The following NIPSNAP3A variants were observed in gnomAD, a reference collection of about 807,000 sequenced individuals.
NIPSNAP3A encodes the protein protein NipSnap homolog 3A.
A neutral mutation model predicts 32.3 loss-of-function variants in NIPSNAP3A; 27 were observed. That is an observed-to-expected ratio of 0.84 (90% CI 0.62 to 1.15). The LOEUF is 1.15. NIPSNAP3A is among the 50% of genes most tolerant of loss of function. The pLI is 0.00. For missense variants in NIPSNAP3A, 278 were observed against 297.2 expected (o/e 0.94, Z 0.48); for synonymous variants, 108 against 107.3 (o/e 1.01, Z -0.04).
In NIPSNAP3A at chr9:104,759,660, T is replaced by C; in HGVS notation, c.*322T>C. 4.1e-6 allele frequency: 1 copy of C among 241,386 alleles called. No homozygotes were observed. Among genetic ancestry groups the C allele is most frequent in the Non-Finnish European group, 8.1e-6 (1 of 123,660 alleles). 15.0% of individuals were successfully genotyped at this position (241,386 alleles called of 1,614,324 possible). On this transcript the variant is annotated 3_prime_UTR_variant, in exon 6 of 6. Transcript: ENST00000374767. ...CTCTTTGCTTTATAGCATTTTGTTG[T>C]ATTCAAATGATAATGGTAGCATTTC...
In NIPSNAP3A at chr9:104,759,557, A is replaced by G; in HGVS notation, c.*219A>G. ...CATGGTATTTCAGTGTCTGTCATAC[A>G]TTAAAAATACTTGTCACTGTTTTAA... On this transcript the variant is annotated 3_prime_UTR_variant, in exon 6 of 6. Coordinates refer to ENST00000374767, the MANE Select transcript of NIPSNAP3A (RefSeq NM_015469.3). The G allele has an allele frequency of 1.9e-6, 1 of 538,996 alleles. No individual in the cohort carries two copies. Among genetic ancestry groups the G allele is most frequent in the Middle Eastern group, 5.1e-4 (1 of 1,960 alleles). The allele number at this position is 538,996 out of a possible 1,614,324, so 33.4% of individuals were successfully genotyped here.
At position 104,754,626 on chromosome 9, in the gene NIPSNAP3A, T is replaced by G. The variant is rs1196009945; in HGVS notation, c.506T>G (p.Val169Gly). The change falls in exon 4 of 6, where the codon GTT (valine) becomes GGT (glycine). Residue 169 changes from valine to glycine, a missense_variant. Transcript: ENST00000374767. ...TGGGGTGATGCATTTAAAAGGGCAG[T>G]TCATGCTCATGTCAATCTAGGCTAC... ...ALWGDAFKRAVHAHVNLGYTK... is the reference protein window; with the variant it reads ...ALWGDAFKRAGHAHVNLGYTK... The G allele has an allele frequency of 1.2e-6, 2 of 1,613,966 alleles. No homozygotes were observed. Among genetic ancestry groups the G allele is most frequent in the African/African-American group, 2.7e-5 (2 of 74,940 alleles).
At chr9:104,754,131 GA>G (rs1200677542) in intron 3 of NIPSNAP3A, 2 of 155,994 alleles carry the variant, frequency 1.3e-5, no homozygotes, top group Non-Finnish European at 2.8e-5. Context: ...ATTATATGAA[GA>G]AAAACATAGT....
At chr9:104,750,307 G>A (rs1166883857) in intron 1 of NIPSNAP3A, among the ~76,000 whole-genome samples, 3 of 152,152 alleles carry the variant, frequency 2.0e-5, no homozygotes, top group African/African-American at 4.8e-5. Context: ...GCCTTCTTAT[G>A]AGCAATTTCT....
chr9:104,747,998 C>CCCCGGGACCCCAAGACAGGGGTA, intron 1 of NIPSNAP3A, 146 bp downstream of exon 1: 1 of 684,356 alleles, frequency 1.5e-6, no homozygotes, highest in Non-Finnish European at 2.4e-6. Context: ...CTAGCGTGAG[C>CCCCGGGACCCCAAGACAGGGGTA]CCCGGAACCC....
chr9:104,759,082 CA>C lies in NIPSNAP3A; in HGVS notation c.581-2del. The C allele has an allele frequency of 1.2e-6, 2 of 1,607,996 alleles. No individual in the cohort carries two copies. The highest frequency in any genetic ancestry group is 2.2e-5 in the South Asian group (2 of 90,374). Reference sequence around the variant, plus strand: ...AGAAGCTACTTGTGGTTTATTTCTGCAGTTCATGTTCTTTGGTGGAATGAGA... The same window carrying C: ...AGAAGCTACTTGTGGTTTATTTCTGCGTTCATGTTCTTTGGTGGAATGAGA... On this transcript the variant is annotated splice_acceptor_variant, in intron 4 of 5. Transcript: ENST00000374767. LOFTEE classifies it high-confidence loss of function.
At chr9:104,758,674 T>C (rs1267308095) in intron 4 of NIPSNAP3A, among the ~76,000 whole-genome samples, 1 of 151,828 alleles carries the variant, frequency 6.6e-6, no homozygotes, top group Non-Finnish European at 1.5e-5. Flanking sequence ...AATAGGATGG[T>C]TTTGGCCAAG....
intron 4 of NIPSNAP3A, 114 bp from the exon 5 acceptor site, chr9:104,758,971 C>CAAAA (rs34457398): frequency 7.6e-4 from 305 of 402,120 alleles, no homozygotes; most frequent in South Asian, 1.3e-3. Context: ...ACTCTTGTTT[C>CAAAA]AAAAAAAAAA....
intron 4 of NIPSNAP3A, among the ~76,000 whole-genome samples, chr9:104,755,720 A>G (rs1241527144): frequency 6.6e-6 from 1 of 152,092 alleles, no homozygotes; most frequent in Admixed American, 6.6e-5. Context: ...CCAGGAGTTC[A>G]CGACTAGCCT....
chr9:104,754,452 C>A, intron 3 of NIPSNAP3A, 99 bp from the exon 4 acceptor site: 1 of 999,510 alleles, frequency 1.0e-6, no homozygotes, highest in Non-Finnish European at 1.5e-6. Context: ...TCTGATCCTC[C>A]AAATCTGTGT....
intron 4 of NIPSNAP3A, among the ~76,000 whole-genome samples, chr9:104,755,255 T>A (rs1363898383): frequency 2.0e-5 from 3 of 149,880 alleles, no homozygotes; most frequent in Admixed American, 6.6e-5. Context: ...AAAAAAAAAA[T>A]GAAGGAACCT....
At chr9:104,752,821 C>A in intron 2 of NIPSNAP3A, 85 bp from the exon 3 acceptor site, 3 of 1,114,922 alleles carry the variant, frequency 2.7e-6, no homozygotes, top group Admixed American at 1.8e-5. Context: ...CATCAATGAC[C>A]ATTGCTGATG....
intron 2 of NIPSNAP3A, 58 bp downstream of exon 2, chr9:104,751,224 T>G (rs1827845452): frequency 7.2e-7 from 1 of 1,386,794 alleles, no homozygotes; most frequent in African/African-American, 1.4e-5. Context: ...AGTATAGATT[T>G]TCATTCTGTT....
intron 3 of NIPSNAP3A, 74 bp from the exon 4 acceptor site, chr9:104,754,477 A>G: frequency 8.0e-7 from 1 of 1,251,374 alleles, no homozygotes. Context: ...AGATAGTGAA[A>G]GACTATTCAC....
intron 4 of NIPSNAP3A, among the ~76,000 whole-genome samples, chr9:104,755,883 A>C (rs1363813901): frequency 6.6e-6 from 1 of 151,994 alleles, no homozygotes; most frequent in Non-Finnish European, 1.5e-5. Context: ...GCACCACTGC[A>C]CTCCAACCCC....
chr9:104,754,744 T>C, intron 4 of NIPSNAP3A, 44 bp downstream of exon 4: 1 of 1,525,546 alleles, frequency 6.6e-7, no homozygotes, highest in Non-Finnish European at 9.1e-7. Flanking sequence ...TAATATATAT[T>C]GTGACCTAAG....
intron 5 of NIPSNAP3A, 27 bp from the exon 6 acceptor site, chr9:104,759,235 A>G (rs1007141235): frequency 6.2e-7 from 1 of 1,613,944 alleles, no homozygotes; most frequent in African/African-American, 1.3e-5. Flanking sequence ...GTAACTCTAT[A>G]TGCCTTTCTA....
At chr9:104,757,725 A>G (rs4743759) in intron 4 of NIPSNAP3A, among the ~76,000 whole-genome samples, 5,120 of 152,248 alleles carry the variant, frequency 0.034, 194 homozygotes, top group East Asian at 0.22. Flanking sequence ...AAATATGCTT[A>G]TATATGTTTA....
chr9:104,755,138 G>A (rs1464676477), intron 4 of NIPSNAP3A, among the ~76,000 whole-genome samples: 3 of 152,106 alleles, frequency 2.0e-5, no homozygotes, highest in Admixed American at 2.0e-4. Context: ...CTATTCTGGA[G>A]GCTGAGGCAG....
Sources: gnomAD v4.1 joint callset for allele counts (sites outside exome capture counted in the v4.1 genomes callset) on GRCh38, gnomAD v4.1.1 for gene constraint, MANE v1.5 for transcripts, NCBI Gene and HGNC (gene_info 2026-07-23, HGNC 2026-07-21) for gene names.